PCDHAC1: variants seen among roughly 807,000 people sequenced by gnomAD.
PCDHAC1 encodes protocadherin alpha-C1.
A neutral mutation model predicts 60.0 loss-of-function variants in PCDHAC1; 42 were observed. The ratio of observed to expected loss-of-function variants is 0.70; its 90% CI spans 0.55 to 0.90. PCDHAC1 has a LOEUF of 0.90. Ranked by LOEUF, PCDHAC1 falls within the 40% of genes least tolerant of loss-of-function variation. The pLI, the probability that PCDHAC1 is intolerant of heterozygous loss-of-function variation, is 0.00. For missense variants in PCDHAC1, 1,160 were observed against 1,222.3 expected (o/e 0.95, Z 0.76); for synonymous variants, 468 against 499.3 (o/e 0.94, Z 0.84).
intron 1 of PCDHAC1, among the ~76,000 whole-genome samples, chr5:140,940,100 C>T (rs536415343): frequency 6.6e-6 from 1 of 152,094 alleles, no homozygotes; most frequent in South Asian, 2.1e-4. Flanking sequence ...AAACTTTTAG[C>T]GTTATGTATT....
In PCDHAC1 at chr5:140,928,372, G is replaced by T. The variant is rs782494631; in HGVS notation, c.1480G>T (p.Ala494Ser). Residue 494 changes from alanine to serine, a missense_variant, in exon 1 of 4, where the codon GCC becomes TCC. This residue lies in a region of PCDHAC1 where 1,113 missense variants were observed against 1,163.7 expected (regional missense o/e 0.96). Coordinates refer to ENST00000253807, the MANE Select transcript of PCDHAC1 (RefSeq NM_018898.5). ...LLDVISEGPSASSLLAVESSS... is the reference protein window; with the variant it reads ...LLDVISEGPSSSSLLAVESSS... ...GGATGTTATCTCTGAAGGGCCATCA[G>T]CCTCTAGCTTGCTGGCAGTGGAATC... 5 of 1,614,136 alleles carry T rather than the reference G, an allele frequency of 3.1e-6. No individual in the cohort carries two copies. The highest frequency in any genetic ancestry group is 4.2e-6 in the Non-Finnish European group (5 of 1,179,986).
At chr5:140,946,277 AT>A (rs1554217463) in intron 1 of PCDHAC1, among the ~76,000 whole-genome samples, 1 of 152,068 alleles carries the variant, frequency 6.6e-6, no homozygotes, top group Non-Finnish European at 1.5e-5. Flanking sequence ...TAAAACCCCA[AT>A]GAGATATCAC....
intron 1 of PCDHAC1, among the ~76,000 whole-genome samples, chr5:140,939,903 C>T (rs782506444): frequency 6.6e-6 from 1 of 152,046 alleles, no homozygotes; most frequent in African/African-American, 2.4e-5. Flanking sequence ...ATTCTGCATT[C>T]TTTTTTATTC....
At chr5:140,977,140 G>A (rs2096748068) in intron 1 of PCDHAC1, among the ~76,000 whole-genome samples, 1 of 152,202 alleles carries the variant, frequency 6.6e-6, no homozygotes, top group Non-Finnish European at 1.5e-5. Context: ...GGTCAGTCCT[G>A]CTGGAACTGT....
At chr5:140,941,319 CTTT>C (rs70988781) in intron 1 of PCDHAC1, among the ~76,000 whole-genome samples, 1 of 104,392 alleles carries the variant, frequency 9.6e-6, no homozygotes. Flanking sequence ...TCTTCTTTCT[CTTT>C]TTTTTTTTTT....
intron 1 of PCDHAC1, chr5:140,967,575 C>T: frequency 6.2e-7 from 1 of 1,614,156 alleles, no homozygotes. Context: ...CGGGAGGACT[C>T]ACCCCCAGGC....
chr5:140,953,045 C>A (rs1414124229), intron 1 of PCDHAC1, among the ~76,000 whole-genome samples: 2 of 152,288 alleles, frequency 1.3e-5, no homozygotes, highest in Admixed American at 6.5e-5. Flanking sequence ...CCCCATGATC[C>A]AATCACCTCT....
intron 1 of PCDHAC1, among the ~76,000 whole-genome samples, chr5:140,976,377 C>T (rs1472568038): frequency 2.0e-5 from 3 of 151,896 alleles, no homozygotes; most frequent in Admixed American, 6.6e-5. Flanking sequence ...ATGGTGAAAC[C>T]CCATCTCTAC....
chr5:141,000,158 A>G (rs1313496168), intron 3 of PCDHAC1, among the ~76,000 whole-genome samples: 1 of 151,968 alleles, frequency 6.6e-6, no homozygotes, highest in Non-Finnish European at 1.5e-5. Context: ...AACAAAAACT[A>G]TTTGATTATT....
At chr5:140,975,213 G>A (rs1205237242) in intron 1 of PCDHAC1, among the ~76,000 whole-genome samples, 2 of 152,178 alleles carry the variant, frequency 1.3e-5, no homozygotes, top group African/African-American at 4.8e-5. Context: ...GGCTGGCACT[G>A]GAGAATCTTC....
chr5:140,931,086 A>G (rs2087290662), intron 1 of PCDHAC1, among the ~76,000 whole-genome samples: 1 of 152,204 alleles, frequency 6.6e-6, no homozygotes, highest in Non-Finnish European at 1.5e-5. Context: ...CCAGTTCTAC[A>G]GATGACAAAG....
At chr5:140,982,845 C>A (rs1436674965) in intron 3 of PCDHAC1, among the ~76,000 whole-genome samples, 1 of 151,978 alleles carries the variant, frequency 6.6e-6, no homozygotes, top group Non-Finnish European at 1.5e-5. Flanking sequence ...TTGTTTAAAT[C>A]AGGTACCTTT....
At chr5:140,985,739 C>CA (rs781951589) in intron 3 of PCDHAC1, among the ~76,000 whole-genome samples, 2 of 117,920 alleles carry the variant, frequency 1.7e-5, no homozygotes, top group Non-Finnish European at 3.4e-5. Flanking sequence ...TGATGAATTC[C>CA]TTTTTTTTTT....
intron 1 of PCDHAC1, among the ~76,000 whole-genome samples, chr5:140,969,759 T>C (rs576118722): frequency 1.3e-5 from 2 of 152,338 alleles, no homozygotes; most frequent in African/African-American, 4.8e-5. Flanking sequence ...CTTAAAAAGC[T>C]CTGAGGCCTC....
intron 1 of PCDHAC1, chr5:140,968,130 T>C: frequency 6.2e-7 from 1 of 1,614,114 alleles, no homozygotes; most frequent in Non-Finnish European, 8.5e-7. Flanking sequence ...CTGCGTACAC[T>C]GAAGGTTGAG....
At chr5:141,002,757 A>G (rs1234528731) in intron 3 of PCDHAC1, among the ~76,000 whole-genome samples, 1 of 152,224 alleles carries the variant, frequency 6.6e-6, no homozygotes, top group African/African-American at 2.4e-5. Context: ...CAACCCTGTG[A>G]TGTAGACAGG....
At chr5:141,007,749 T>C (rs2098343750) in intron 3 of PCDHAC1, among the ~76,000 whole-genome samples, 2 of 152,334 alleles carry the variant, frequency 1.3e-5, no homozygotes, top group South Asian at 4.1e-4. Flanking sequence ...AAGATAACTT[T>C]GGACTCTTAT....
chr5:140,929,381 G>GT (rs1554207059), intron 1 of PCDHAC1, 56 bp downstream of exon 1: 2 of 1,510,858 alleles, frequency 1.3e-6, no homozygotes, highest in African/African-American at 1.4e-5. Flanking sequence ...TGCTAGCTGT[G>GT]TTTTGAAATA....
chr5:140,984,304 G>A (rs1587007644), intron 3 of PCDHAC1, among the ~76,000 whole-genome samples: 1 of 152,168 alleles, frequency 6.6e-6, no homozygotes, highest in Admixed American at 6.5e-5. Context: ...GATGCTGGTT[G>A]GTGTGTATTC....
Sources: gnomAD v4.1 joint callset for allele counts (sites outside exome capture counted in the v4.1 genomes callset) on GRCh38, gnomAD v4.1.1 for gene constraint, gnomAD v4.1.1 regional missense constraint, MANE v1.5 for transcripts, NCBI Gene and HGNC (gene_info 2026-07-23, HGNC 2026-07-21) for gene names.